The following TMEM132D variants were observed in gnomAD, a reference collection of about 807,000 sequenced individuals.
The protein encoded by TMEM132D is mature OL transmembrane protein.
A neutral mutation model predicts 62.3 loss-of-function variants in TMEM132D; 21 were observed. The ratio of observed to expected loss-of-function variants is 0.34; its 90% CI spans 0.24 to 0.49. The LOEUF (loss-of-function observed/expected upper bound fraction) is 0.49. Ranked by LOEUF, TMEM132D falls within the 20% of genes least tolerant of loss-of-function variation. The pLI, the probability that TMEM132D is intolerant of heterozygous loss-of-function variation, is 0.99. For missense variants in TMEM132D, 1,346 were observed against 1,402.8 expected (o/e 0.96, Z 0.65); for synonymous variants, 621 against 575.6 (o/e 1.08, Z -1.13).
intron 5 of TMEM132D, among the ~76,000 whole-genome samples, chr12:129,165,407 T>C (rs1484408936): frequency 1.4e-4 from 22 of 152,156 alleles, no homozygotes; most frequent in Admixed American, 1.4e-3. Flanking sequence ...TACGTAATGA[T>C]AGACAAACAA....
At chr12:129,413,624 T>G (rs12228833) in intron 3 of TMEM132D, among the ~76,000 whole-genome samples, 1 of 151,904 alleles carries the variant, frequency 6.6e-6, no homozygotes, top group African/African-American at 2.4e-5. Context: ...GGCAAGCACC[T>G]TCCTAGTAAC....
rs777948878 is a variant in TMEM132D, at chr12:129,081,818, C to T, written c.1864G>A (p.Ala622Thr). ...AGGATCTGTCCGCCTTGCAGCTTGG[C>T]GATCCTGGGCTCCTCCACCTGCATG... ...DFMQVEEPRI[A>T]KLQGGQILMG... The change falls in exon 7 of 9, where the codon GCC becomes ACC. Residue 622 changes from alanine (A) to threonine (T), a missense_variant. Transcript: ENST00000422113. 3 of 1,613,304 alleles carry T rather than the reference C, an allele frequency of 1.9e-6. No homozygotes were observed. Among genetic ancestry groups the T allele is most frequent in the Non-Finnish European group, 2.5e-6 (3 of 1,179,888 alleles).
intron 4 of TMEM132D, among the ~76,000 whole-genome samples, chr12:129,246,364 G>A (rs183925968): frequency 6.6e-6 from 1 of 152,166 alleles, no homozygotes; most frequent in Non-Finnish European, 1.5e-5. Context: ...CACCACGGCC[G>A]CTCTGCTTTT....
chr12:129,127,980 G>A (rs574749410), intron 5 of TMEM132D, among the ~76,000 whole-genome samples: 3 of 152,154 alleles, frequency 2.0e-5, no homozygotes, highest in Non-Finnish European at 4.4e-5. Context: ...TGCCTAGACC[G>A]TGACCAACTG....
chr12:129,622,369 C>T (rs1270089799), intron 2 of TMEM132D, among the ~76,000 whole-genome samples: 1 of 151,752 alleles, frequency 6.6e-6, no homozygotes, highest in Non-Finnish European at 1.5e-5. Context: ...GGCTCTTACG[C>T]CTTGGCAAGG....
chr12:129,323,265 T>C (rs980176115), intron 4 of TMEM132D, among the ~76,000 whole-genome samples: 1 of 152,174 alleles, frequency 6.6e-6, no homozygotes, highest in African/African-American at 2.4e-5. Context: ...AAAAAAAGCG[T>C]AAATAGCAAC....
intron 1 of TMEM132D, among the ~76,000 whole-genome samples, chr12:129,897,281 C>T (rs770676563): frequency 1.3e-5 from 2 of 152,212 alleles, no homozygotes; most frequent in Admixed American, 1.3e-4. Context: ...AAATCAACAA[C>T]GCATATGTTC....
At chr12:129,746,171 G>T (rs902328814) in intron 1 of TMEM132D, among the ~76,000 whole-genome samples, 1 of 152,228 alleles carries the variant, frequency 6.6e-6, no homozygotes, top group Non-Finnish European at 1.5e-5. Context: ...CAATGAGAGA[G>T]AGCCAGTGCA....
Position 129,229,890 on chromosome 12 carries a change from T to C in TMEM132D, c.1300-20227A>G, listed in dbSNP as rs1043690965. 6.6e-5 allele frequency among the ~76,000 whole-genome samples: 10 copies of C among 152,314 alleles called. No homozygotes were observed. In the East Asian group the frequency reaches 1.5e-3, roughly 24 times the overall value. On this transcript the variant is annotated intron_variant, in intron 4 of 8. Coordinates refer to ENST00000422113, the MANE Select transcript of TMEM132D (RefSeq NM_133448.3). ...GTGCAGTGGTGTGGCTAATCCCAAA[T>C]AGTGTAAAACCCAAAAGTCATTTGC...
At chr12:129,221,119 C>A (rs541346602) in intron 4 of TMEM132D, among the ~76,000 whole-genome samples, 1 of 152,164 alleles carries the variant, frequency 6.6e-6, no homozygotes, top group Non-Finnish European at 1.5e-5. Context: ...CTAAAATGTA[C>A]GGGTCAATGT....
intron 1 of TMEM132D, among the ~76,000 whole-genome samples, chr12:129,898,823 T>G (rs577238399): frequency 8.5e-5 from 13 of 152,194 alleles, no homozygotes; most frequent in Non-Finnish European, 1.8e-4. Context: ...CGGTATGGGG[T>G]GCATTGTTGG....
At chr12:129,144,039 A>G (rs753582652) in intron 5 of TMEM132D, among the ~76,000 whole-genome samples, 2 of 152,038 alleles carry the variant, frequency 1.3e-5, no homozygotes, top group Non-Finnish European at 2.9e-5. Flanking sequence ...CGGGACCCTT[A>G]TCTGCTCAAA....
chr12:129,438,874 C>T (rs559154489), intron 3 of TMEM132D, among the ~76,000 whole-genome samples: 16 of 152,220 alleles, frequency 1.1e-4, no homozygotes, highest in Admixed American at 5.2e-4. Context: ...ATCACTGAGA[C>T]GTAATTTCAC....
chr12:129,614,457 G>T (rs1878862488), intron 2 of TMEM132D, among the ~76,000 whole-genome samples: 1 of 152,172 alleles, frequency 6.6e-6, no homozygotes, highest in Non-Finnish European at 1.5e-5. Context: ...GAAAGATAAT[G>T]GAATGCTTAA....
chr12:129,437,171 G>A (rs1872808659), intron 3 of TMEM132D, among the ~76,000 whole-genome samples: 1 of 152,154 alleles, frequency 6.6e-6, no homozygotes, highest in Admixed American at 6.5e-5. Context: ...TTTCATGGAT[G>A]ATAAGGTCCT....
In TMEM132D at chr12:129,078,517, C is replaced by G. The variant is rs372355013; in HGVS notation, c.2115+17G>C. 2 of 1,608,760 alleles carry G rather than the reference C, an allele frequency of 1.2e-6. No homozygotes were observed. Among genetic ancestry groups the G allele is most frequent in the East Asian group, 2.2e-5 (1 of 44,774 alleles). The stretch of plus-strand genomic sequence containing the variant: ...TGAGGGACCCTGCTGAAGTGTGTCT[C>G]AAGCCCTCCTCCATACCTGTTTTGG... On this transcript the variant is annotated intron_variant, in intron 8 of 8. Transcript: ENST00000422113.
chr12:129,407,702 C>T (rs1328103148), intron 3 of TMEM132D, among the ~76,000 whole-genome samples: 1 of 151,636 alleles, frequency 6.6e-6, no homozygotes, highest in Non-Finnish European at 1.5e-5. Flanking sequence ...GTCAGGAGAT[C>T]GAGACCATCC....
intron 5 of TMEM132D, among the ~76,000 whole-genome samples, chr12:129,195,695 G>T (rs1257158349): frequency 3.9e-5 from 6 of 152,194 alleles, no homozygotes; most frequent in Admixed American, 2.0e-4. Context: ...CATAATTGAA[G>T]TGACTCTAAT....
intron 1 of TMEM132D, among the ~76,000 whole-genome samples, chr12:129,734,102 C>A (rs1488136651): frequency 6.6e-6 from 1 of 152,172 alleles, no homozygotes; most frequent in Non-Finnish European, 1.5e-5. Flanking sequence ...TGAAAAAGGA[C>A]AATCTTGGCC....
Sources: gnomAD v4.1 joint callset for allele counts (sites outside exome capture counted in the v4.1 genomes callset) on GRCh38, gnomAD v4.1.1 for gene constraint, MANE v1.5 for transcripts, NCBI Gene and HGNC (gene_info 2026-07-23, HGNC 2026-07-21) for gene names.